The following PRKN variants were observed in gnomAD, a reference collection of about 807,000 sequenced individuals.
PRKN encodes the protein parkin RBR E3 ubiquitin protein ligase.
Under a neutral mutation model 59.5 loss-of-function variants are expected in PRKN, and 56 were observed. That is an observed-to-expected ratio of 0.94 (90% CI 0.76 to 1.18). The LOEUF (loss-of-function observed/expected upper bound fraction) is 1.18, where lower values mean the gene tolerates loss of function less well. Among genes scored for constraint, PRKN ranks in the 50% most tolerant of loss-of-function variants. PRKN has a pLI of 0.00. For missense variants in PRKN, 657 were observed against 596.4 expected, an observed-to-expected ratio of 1.10 and a Z score of -1.06; for synonymous variants, 250 against 222.1, an observed-to-expected ratio of 1.13 and a Z score of -1.12.
chr6:162,095,750 A>C (rs1405686496), intron 4 of PRKN, among the ~76,000 whole-genome samples: 2 of 152,182 alleles, frequency 1.3e-5, no homozygotes, highest in Non-Finnish European at 2.9e-5. Flanking sequence ...TTTGGTATCA[A>C]GAACGTGGGC....
intron 6 of PRKN, among the ~76,000 whole-genome samples, chr6:161,943,062 A>G (rs901442916): frequency 6.6e-6 from 1 of 152,222 alleles, no homozygotes; most frequent in South Asian, 2.1e-4. Context: ...AAATGATATC[A>G]AACTTTTTTA....
chr6:161,988,498 T>C (rs1297287176), intron 5 of PRKN, among the ~76,000 whole-genome samples: 1 of 150,766 alleles, frequency 6.6e-6, no homozygotes, highest in East Asian at 1.9e-4. Flanking sequence ...AAAAACAAAA[T>C]AAAATAAAAT....
chr6:161,369,931 T>C lies in PRKN; in HGVS notation c.1168-9726A>G, dbSNP rs1290239687. On this transcript the variant is annotated intron_variant, in intron 10 of 11. Transcript: ENST00000366898. This position sits in a 1 kb window ranked among gnomAD's most constrained non-coding sequence, Gnocchi z 5.8. ...AAGAGGAATAACCTCACAAGGGTCA[T>C]CGTGAGTAAGATCAACACACAAACG... is the stretch of plus-strand genomic sequence containing the variant. 1 of 419,802 alleles carries C rather than the reference T, an allele frequency of 2.4e-6. No homozygotes were observed. Among genetic ancestry groups the C allele is most frequent in the Non-Finnish European group, 5.0e-6 (1 of 199,342 alleles). The allele number at this position is 419,802 out of a possible 1,614,324, so 26.0% of individuals were successfully genotyped here.
rs1777797918 is a variant in PRKN, at chr6:161,497,552, A to ATG, written c.1083+51300_1083+51301dup. 8.0e-6 allele frequency among the ~76,000 whole-genome samples: 1 copy of ATG among 125,166 alleles called. No individual in the cohort carries two copies. The highest frequency in any genetic ancestry group is 2.3e-4 in the South Asian group (1 of 4,304). 82.1% of individuals were successfully genotyped at this position (125,166 alleles called of 152,430 possible). A position where few individuals can be genotyped will look rare whatever the true frequency, so the allele number is the denominator to read the frequency against. On this transcript the variant is annotated intron_variant, in intron 9 of 11. Coordinates refer to ENST00000366898, the MANE Select transcript of PRKN (RefSeq NM_004562.3). This position sits in a 1 kb window ranked among gnomAD's most constrained non-coding sequence, Gnocchi z 4.6. ...GTCTGTGTGTGTGCACAGTGCTTAC[A>ATG]TGTCTCTCTCTCTCTCTCTCTCTCT...
chr6:161,426,676 C>CACACAT (rs11271613), intron 9 of PRKN, among the ~76,000 whole-genome samples: 3,324 of 142,744 alleles, frequency 0.023, 82 homozygotes, highest in East Asian at 0.056. Context: ...CACACACACA[C>CACACAT]CTCCTATTAG....
At chr6:162,443,695 C>T (rs1790173717) in intron 1 of PRKN, among the ~76,000 whole-genome samples, 1 of 152,114 alleles carries the variant, frequency 6.6e-6, no homozygotes, top group Non-Finnish European at 1.5e-5. Flanking sequence ...CGTCAGTGAC[C>T]TGCAAACCAA....
intron 7 of PRKN, among the ~76,000 whole-genome samples, chr6:161,680,271 G>A (rs1168670909): frequency 1.3e-5 from 2 of 152,116 alleles, no homozygotes; most frequent in African/African-American, 4.8e-5. Context: ...TAACCTACAG[G>A]ACATAAATCT....
At chr6:162,692,692 G>A (rs1301743723) in intron 1 of PRKN, among the ~76,000 whole-genome samples, 1 of 152,044 alleles carries the variant, frequency 6.6e-6, no homozygotes, top group African/African-American at 2.4e-5. Flanking sequence ...AATCCACCAG[G>A]ACAGGACAAC....
intron 1 of PRKN, among the ~76,000 whole-genome samples, chr6:162,517,024 G>T (rs531850548): frequency 6.6e-6 from 1 of 152,080 alleles, no homozygotes; most frequent in Admixed American, 6.6e-5. Flanking sequence ...AGTGAAAACA[G>T]GAGGTAATTC....
intron 2 of PRKN, among the ~76,000 whole-genome samples, chr6:162,271,193 C>G (rs760715880): frequency 3.3e-5 from 5 of 151,892 alleles, no homozygotes; most frequent in Non-Finnish European, 7.4e-5. Flanking sequence ...AAGCCCATCA[C>G]AGTTTTTAAT....
intron 6 of PRKN, among the ~76,000 whole-genome samples, chr6:161,904,322 T>TG (rs1335201967): frequency 2.6e-4 from 37 of 140,420 alleles, no homozygotes; most frequent in Non-Finnish European, 5.4e-4. Context: ...TTTTTTTTTT[T>TG]TTTTTTTTTT....
intron 4 of PRKN, among the ~76,000 whole-genome samples, chr6:162,066,013 T>G (rs1778322414): frequency 6.6e-6 from 1 of 152,206 alleles, no homozygotes; most frequent in Admixed American, 6.5e-5. Context: ...CTATTGTGAA[T>G]AGTGCTGTAA....
chr6:161,871,598 G>C (rs548292525), intron 6 of PRKN, among the ~76,000 whole-genome samples: 84 of 152,278 alleles, frequency 5.5e-4, no homozygotes, highest in African/African-American at 2.0e-3. Context: ...GCAGCAGAGG[G>C]AACTGGACCA....
At chr6:161,351,015 A>AT (rs35561281) in intron 11 of PRKN, among the ~76,000 whole-genome samples, 8 of 68,152 alleles carry the variant, frequency 1.2e-4, no homozygotes, top group African/African-American at 4.2e-4. Flanking sequence ...ATATAAATAT[A>AT]TTTTATATAT....
At chr6:161,994,991 T>C (rs760567962) in intron 5 of PRKN, among the ~76,000 whole-genome samples, 1 of 150,920 alleles carries the variant, frequency 6.6e-6, no homozygotes, top group Non-Finnish European at 1.5e-5. Context: ...AAAGCAATCC[T>C]GGGCAAAAGA....
intron 7 of PRKN, among the ~76,000 whole-genome samples, chr6:161,755,302 G>A (rs1431840043): frequency 1.3e-5 from 2 of 151,350 alleles, no homozygotes; most frequent in South Asian, 2.1e-4. Flanking sequence ...CTGCACCCAC[G>A]TGACAGTGGG....
chr6:161,628,463 C>T (rs561808378), intron 7 of PRKN, among the ~76,000 whole-genome samples: 2 of 152,298 alleles, frequency 1.3e-5, no homozygotes, highest in South Asian at 4.1e-4. Flanking sequence ...GATCTCTACC[C>T]TCATGACCTA....
chr6:161,505,264 T>G (rs1479374907), intron 9 of PRKN, among the ~76,000 whole-genome samples: 2 of 152,152 alleles, frequency 1.3e-5, no homozygotes, highest in East Asian at 1.9e-4. Context: ...TTTGCATTTC[T>G]CTGATGGCCA....
chr6:161,713,813 G>A (rs550440881), intron 7 of PRKN, among the ~76,000 whole-genome samples: 1 of 152,266 alleles, frequency 6.6e-6, no homozygotes, highest in African/African-American at 2.4e-5. Flanking sequence ...CCTGCTGTAG[G>A]AGGAACCTGG....
Sources: gnomAD v4.1 joint callset for allele counts (sites outside exome capture counted in the v4.1 genomes callset) on GRCh38, gnomAD v4.1.1 for gene constraint, Gnocchi (gnomAD v3.1) non-coding constraint, MANE v1.5 for transcripts, NCBI Gene and HGNC (gene_info 2026-07-23, HGNC 2026-07-21) for gene names.